The following WDR35 variants were observed in gnomAD, a reference collection of about 807,000 sequenced individuals.
WDR35 encodes the protein WD repeat domain 35.
A neutral mutation model predicts 158.3 loss-of-function variants in WDR35; 118 were observed. The ratio of observed to expected loss-of-function variants is 0.75; its 90% CI spans 0.64 to 0.87. The LOEUF is 0.87. Among genes scored for constraint, WDR35 ranks in the 40% least tolerant of loss-of-function variants. The probability of loss-of-function intolerance (pLI) is 0.00; values close to 1 mark genes in which losing one functional copy is unlikely to be tolerated. For missense variants in WDR35, 1,263 were observed against 1,405.8 expected (o/e 0.90, Z 1.62); for synonymous variants, 448 against 476.1 (o/e 0.94, Z 0.77).
intron 16 of WDR35, among the ~76,000 whole-genome samples, chr2:19,944,594 T>C (rs1273746761): frequency 1.3e-5 from 2 of 152,144 alleles, no homozygotes; most frequent in African/African-American, 4.8e-5. Flanking sequence ...AAATTTCCCT[T>C]GGACCCTTGA....
intron 4 of WDR35, 55 bp downstream of exon 4, chr2:19,980,636 G>T: frequency 6.9e-7 from 1 of 1,458,446 alleles, no homozygotes; most frequent in Non-Finnish European, 9.6e-7. Context: ...TCCAAATACT[G>T]TGATCCAGAT....
chr2:19,924,262 T>C (rs559802174), intron 25 of WDR35, among the ~76,000 whole-genome samples: 2 of 151,858 alleles, frequency 1.3e-5, no homozygotes, highest in East Asian at 3.9e-4. Flanking sequence ...GTTACAGGAG[T>C]CTCTTAAAAA....
intron 9 of WDR35, among the ~76,000 whole-genome samples, chr2:19,968,919 T>C (rs971774691): frequency 6.6e-5 from 10 of 152,222 alleles, no homozygotes; most frequent in African/African-American, 2.4e-4. Context: ...TTCTACGAAC[T>C]CCGTCACCTG....
intron 16 of WDR35, among the ~76,000 whole-genome samples, chr2:19,944,660 T>C (rs1426423656): frequency 6.6e-6 from 1 of 152,150 alleles, no homozygotes; most frequent in Non-Finnish European, 1.5e-5. Flanking sequence ...ATGCCTTTCC[T>C]TTGAACTATT....
Position 19,911,119 on chromosome 2 carries a change from A to C in WDR35, c.*2439T>G, listed in dbSNP as rs748347745. On this transcript the variant is annotated 3_prime_UTR_variant, in exon 27 of 27. Transcript: ENST00000281405. ...CGTTGGTGGGAAAATTCTAGGGCTC[A>C]GGCAGCACAGAATTAGGGGGAAATG... The C allele has an allele frequency of 1.1e-4, 16 of 152,228 alleles. No individual in the cohort carries two copies. The highest frequency in any genetic ancestry group is 1.9e-4 in the Non-Finnish European group (13 of 68,042). 9.4% of individuals were successfully genotyped at this position (152,228 alleles called of 1,614,324 possible).
rs62109412 is a variant in WDR35, at chr2:19,946,475, C to G, written c.1620G>C (p.Leu540Phe). 1.9e-6 allele frequency: 3 copies of G among 1,613,442 alleles called. No homozygotes were observed. In the East Asian group the frequency reaches 6.7e-5, roughly 36 times the overall value. ...TTCAGGCTTACCTAGAGTTGCAATT[C>G]AAGGATAACTGGTAGGCTCGACAAT... is the stretch of plus-strand genomic sequence containing the variant. Reference protein sequence around the residue: ...SLNCRAYQLSLNCNSSRLAII... With the variant: ...SLNCRAYQLSFNCNSSRLAII... The change falls in exon 15 of 27, where the codon TTG (leucine) becomes TTC (phenylalanine). Residue 540 changes from leucine (L) to phenylalanine (F), a missense_variant. Physicochemically the swap from Leu to Phe is conservative, Grantham distance 22 (BLOSUM62 0). Transcript: ENST00000281405.
Position 19,973,653 on chromosome 2 carries a change from C to G in WDR35, c.792G>C (p.Met264Ile). ...MYVVGIQWNHMGSVLAVAGFQ... is the reference protein window; with the variant it reads ...MYVVGIQWNHIGSVLAVAGFQ... The stretch of plus-strand genomic sequence containing the variant: ...AGCCTGCCACAGCTAACACGCTGCC[C>G]ATGTGGTTCCACTGGATGCCTACTA... Residue 264 changes from methionine (M) to isoleucine (I), a missense_variant, in exon 8 of 27, where the codon ATG becomes ATC. Physicochemically the swap from Met to Ile is conservative, Grantham distance 10. Coordinates refer to ENST00000281405, the MANE Select transcript of WDR35 (RefSeq NM_020779.4). 6.2e-7 allele frequency: 1 copy of G among 1,614,214 alleles called. No individual in the cohort carries two copies. Among genetic ancestry groups the G allele is most frequent in the South Asian group, 1.1e-5 (1 of 91,082 alleles).
At position 19,933,500 on chromosome 2, in the gene WDR35, T is replaced by A. The variant is rs1401949648; in HGVS notation, c.2559A>T (p.Gln853His). 1 of 1,613,498 alleles carries A rather than the reference T, an allele frequency of 6.2e-7. No homozygotes were observed. Among genetic ancestry groups the A allele is most frequent in the East Asian group, 2.2e-5 (1 of 44,864 alleles). ...CACACATTCCAACTCTGACAAACAT[T>A]TGTGCTATTTCCTGTACAAACAAAA... ...ENHKLLPEIA[Q>H]MFVRVGMCEQ... is the part of the protein sequence containing the mutation. The change falls in exon 22 of 27, where the codon CAA becomes CAT. Residue 853 changes from glutamine to histidine, a missense_variant. Gln to His is a conservative substitution (Grantham distance 24). Transcript: ENST00000281405.
At chr2:19,954,033 G>C in intron 11 of WDR35, 55 bp from the exon 12 acceptor site, 2 of 1,601,476 alleles carry the variant, frequency 1.2e-6, no homozygotes, top group South Asian at 1.1e-5. Context: ...CAGAATGCTT[G>C]TGCTGCAAAG....
At position 19,978,625 on chromosome 2, in the gene WDR35, A is replaced by G. The variant is rs150248164; in HGVS notation, c.436+126T>C. On this transcript the variant is annotated intron_variant, in intron 5 of 26. Coordinates refer to ENST00000281405, the MANE Select transcript of WDR35 (RefSeq NM_020779.4). ...TTGAATGTCGTCAAATTGTATATCAAATAGTTTCCCTTTTATGTCTATTTT... is the reference window on the plus strand; with the variant it reads ...TTGAATGTCGTCAAATTGTATATCAGATAGTTTCCCTTTTATGTCTATTTT... 1.8e-3 allele frequency: 2,494 copies of G among 1,401,234 alleles called. 33 individuals are homozygous for G. The African/African-American group carries it at 0.028, about 16-fold the overall frequency. 86.8% of individuals were successfully genotyped at this position (1,401,234 alleles called of 1,614,324 possible).
chr2:19,931,440 A>T (rs773495468), intron 23 of WDR35, 31 bp from the exon 24 acceptor site: 1 of 1,610,084 alleles, frequency 6.2e-7, no homozygotes, highest in Admixed American at 1.7e-5. Flanking sequence ...GAGGGAAGTT[A>T]CTTCTTATCT....
intron 11 of WDR35, among the ~76,000 whole-genome samples, chr2:19,958,821 C>T (rs778174963): frequency 6.6e-6 from 1 of 151,770 alleles, no homozygotes; most frequent in Admixed American, 6.6e-5. Flanking sequence ...GAAAAGAACA[C>T]CAAAAAAGGA....
chr2:19,945,922 C>T lies in WDR35; in HGVS notation c.1709G>A (p.Gly570Glu), dbSNP rs200271646. ...TAACAACTCTCCAACTACTTGCTGT[C>T]CCGTACTGTCCGTTACTCGAGCATC... is the stretch of plus-strand genomic sequence containing the variant. ...DLDARVTDST[G>E]QQVVGELLKL... The change falls in exon 16 of 27, where the codon GGA becomes GAA. Residue 570 changes from glycine (G) to glutamate (E), a missense_variant. Physicochemically the swap from Gly to Glu is moderately conservative, Grantham distance 98. Coordinates refer to ENST00000281405, the MANE Select transcript of WDR35 (RefSeq NM_020779.4). 1.9e-6 allele frequency: 3 copies of T among 1,613,972 alleles called. No homozygotes were observed. The highest frequency in any genetic ancestry group is 2.5e-6 in the Non-Finnish European group (3 of 1,179,882).
chr2:19,955,297 C>G (rs1342690023), intron 11 of WDR35, among the ~76,000 whole-genome samples: 1 of 152,134 alleles, frequency 6.6e-6, no homozygotes, highest in Non-Finnish European at 1.5e-5. Context: ...TCTCCCAAGT[C>G]CCTTCCTAAG....
At position 19,982,533 on chromosome 2, in the gene WDR35, A is replaced by G. The variant is rs750488375; in HGVS notation, c.144T>C (p.Asp48=). 2 of 1,613,552 alleles carry G rather than the reference A, an allele frequency of 1.2e-6. No homozygotes were observed. The highest frequency in any genetic ancestry group is 2.2e-5 in the South Asian group (2 of 90,976). Residue 48 remains aspartate, a splice_region_variant and synonymous_variant, in exon 3 of 27, where the codon GAT becomes GAC. Coordinates refer to ENST00000281405, the MANE Select transcript of WDR35 (RefSeq NM_020779.4). ...CTGCAAGGCCCCTCAATTTTGCATCATCTAAAACAAAACAAAACAAACTAC... is the reference window on the plus strand; with the variant it reads ...CTGCAAGGCCCCTCAATTTTGCATCGTCTAAAACAAAACAAAACAAACTAC... The part of the protein sequence containing the change: ...LKVLKLETQT[D]DAKLRGLAAP...
intron 16 of WDR35, among the ~76,000 whole-genome samples, chr2:19,943,845 A>G (rs1263353655): frequency 6.6e-6 from 1 of 152,200 alleles, no homozygotes; most frequent in East Asian, 1.9e-4. Flanking sequence ...GTGAATTAAA[A>G]CTTTGCACAC....
intron 25 of WDR35, among the ~76,000 whole-genome samples, chr2:19,918,130 T>C (rs1212581653): frequency 6.6e-6 from 1 of 152,116 alleles, no homozygotes; most frequent in East Asian, 1.9e-4. Flanking sequence ...GAATTTCATA[T>C]CCAACCAAAC....
At position 19,932,298 on chromosome 2, in the gene WDR35, A is replaced by G; in HGVS notation, c.2808T>C (p.Ala936=). ...TTTACATTACCTTAAACATCAGTTT[A>G]GCTGCATCAAAAAAGTAATTGGCTT... ...YRKANYFFDA[A]KLMFKIADEE... Residue 936 remains alanine (A), a synonymous_variant, in exon 23 of 27, where the codon GCT becomes GCC. Coordinates refer to ENST00000281405, the MANE Select transcript of WDR35 (RefSeq NM_020779.4). 1 of 1,613,336 alleles carries G rather than the reference A, an allele frequency of 6.2e-7. No homozygotes were observed. The highest frequency in any genetic ancestry group is 2.2e-5 in the East Asian group (1 of 44,702).
At chr2:19,950,936 A>C (rs543672215) in intron 13 of WDR35, among the ~76,000 whole-genome samples, 2 of 152,346 alleles carry the variant, frequency 1.3e-5, no homozygotes, top group Admixed American at 6.5e-5. Flanking sequence ...AATAGGCACT[A>C]CTTTAAATAC....
Sources: allele counts gnomAD v4.1 joint callset (sites outside exome capture counted in the v4.1 genomes callset), GRCh38; gene constraint gnomAD v4.1.1; transcripts MANE v1.5; gene names NCBI Gene and HGNC (gene_info 2026-07-23, HGNC 2026-07-21).